Variants in SEM1 observed in about 807,000 individuals in gnomAD.
SEM1 encodes SEM1 26S proteasome subunit, also known as 26S proteasome complex subunit SEM1.
Under a neutral mutation model 12.7 loss-of-function variants are expected in SEM1, and 3 were observed. That is an observed-to-expected ratio of 0.24 (90% confidence interval 0.11 to 0.61). The LOEUF is 0.61. SEM1 is among the 20% of genes least tolerant of loss of function. The pLI is 0.88. For synonymous variants in SEM1, 30 were observed against 27.8 expected (o/e 1.08, Z -0.25); for missense variants, 59 against 81.3 (o/e 0.73, Z 1.06).
intron 1 of SEM1, among the ~76,000 whole-genome samples, chr7:96,700,502 T>C (rs1790237028): frequency 6.6e-6 from 1 of 152,200 alleles, no homozygotes; most frequent in Non-Finnish European, 1.5e-5. Context: ...GTGGGTTCCA[T>C]ATCCTGTGAA....
chr7:96,693,539 A>G (rs1789991270), intron 2 of SEM1, among the ~76,000 whole-genome samples: 2 of 152,042 alleles, frequency 1.3e-5, no homozygotes, highest in South Asian at 4.1e-4. Context: ...ATATGACACC[A>G]AAAGCACAAA....
rs10215114 is a variant in SEM1, at chr7:96,646,667, C to T, written c.171-24024G>A. The stretch of plus-strand genomic sequence containing the variant: ...CCACTCCCACTCCCACTCCCACCTC[C>T]GACTGCCATCCTCTCCCCAGGTGAT... On this transcript the variant is annotated intron_variant, in intron 2 of 2. Coordinates refer to the SEM1 transcript ENST00000417009. 6.9e-3 allele frequency among the ~76,000 whole-genome samples: 1,052 copies of T among 152,270 alleles called. 11 individuals carry two copies. The highest frequency in any genetic ancestry group is 0.024 in the African/African-American group (1,015 of 41,558).
intron 3 of SEM1, among the ~76,000 whole-genome samples, chr7:96,502,051 C>G (rs1364073375): frequency 6.6e-6 from 1 of 152,108 alleles, no homozygotes; most frequent in East Asian, 1.9e-4. Flanking sequence ...CTGCAAAGGA[C>G]AAAATTTCAT....
rs140694310 is a variant in SEM1, at chr7:96,561,782, G to A, written c.171-55084C>T. ...TAGATGGAGAGGTGACAAATATGTG[G>A]AGACTTACTTTCCCTGGGTAAAAGG... On this transcript the variant is annotated intron_variant and NMD_transcript_variant, in intron 2 of 3. Transcript: ENST00000466986. 5.3e-5 allele frequency among the ~76,000 whole-genome samples: 8 copies of A among 152,352 alleles called. No individual in the cohort carries two copies. In the East Asian group the frequency reaches 1.5e-3, roughly 29 times the overall value.
intron 2 of SEM1, among the ~76,000 whole-genome samples, chr7:96,485,536 CTTTTTTTTT>C (rs61088450): frequency 0.02 from 1,531 of 76,760 alleles, 30 homozygotes; most frequent in African/African-American, 0.076. Flanking sequence ...TCTCTACATT[CTTTTTTTTT>C]TTTTTTTTTT....
chr7:96,534,288 T>TG (rs921065031), intron 2 of SEM1, among the ~76,000 whole-genome samples: 24 of 152,228 alleles, frequency 1.6e-4, no homozygotes, highest in African/African-American at 5.8e-4. Flanking sequence ...TAACTGCCAC[T>TG]GTGAGCTTGA....
intron 2 of SEM1, among the ~76,000 whole-genome samples, chr7:96,584,629 T>A (rs1806544742): frequency 6.7e-6 from 1 of 150,266 alleles, no homozygotes; most frequent in South Asian, 2.1e-4. Context: ...TTTGGTCTTT[T>A]CACATAGTCC....
At chr7:96,692,477 C>G (rs376639882) in intron 2 of SEM1, among the ~76,000 whole-genome samples, 18 of 152,026 alleles carry the variant, frequency 1.2e-4, no homozygotes, top group African/African-American at 4.3e-4. Context: ...CATAATGATG[C>G]CAAGGCGGAA....
exon 4 of SEM1, chr7:96,482,235 G>A (rs1450142569): frequency 6.6e-6 from 1 of 152,154 alleles, no homozygotes; most frequent in African/African-American, 2.4e-5. Flanking sequence ...TAGGACCTGA[G>A]CAGTGTGGTC....
At chr7:96,651,569 T>TTTTG (rs1019298660) in intron 2 of SEM1, among the ~76,000 whole-genome samples, 1 of 151,832 alleles carries the variant, frequency 6.6e-6, no homozygotes, top group Non-Finnish European at 1.5e-5. Context: ...GGCAAAAGGA[T>TTTTG]TTTGTTTGTT....
chr7:96,584,938 T>C (rs1179959173), intron 2 of SEM1, among the ~76,000 whole-genome samples: 1 of 150,892 alleles, frequency 6.6e-6, no homozygotes, highest in South Asian at 2.1e-4. Flanking sequence ...TCGGAGTAAT[T>C]TGATCGTCTG....
At chr7:96,662,142 T>TG (rs1409388681) in intron 2 of SEM1, among the ~76,000 whole-genome samples, 1 of 152,008 alleles carries the variant, frequency 6.6e-6, no homozygotes, top group Non-Finnish European at 1.5e-5. Context: ...GAACCAGAAA[T>TG]GCCATTTGAC....
chr7:96,547,419 T>C (rs11972202), intron 2 of SEM1, among the ~76,000 whole-genome samples: 93,267 of 152,008 alleles, frequency 0.61, 29,376 homozygotes, highest in Non-Finnish European at 0.69. Context: ...ATGCCATTCA[T>C]GGTCCAAAGG....
intron 1 of SEM1, chr7:96,496,275 A>G: frequency 6.7e-7 from 1 of 1,502,350 alleles, no homozygotes. Context: ...AATCCATATC[A>G]GTTCCTACCT....
intron 2 of SEM1, among the ~76,000 whole-genome samples, chr7:96,612,374 T>A (rs1352327839): frequency 6.6e-6 from 1 of 152,170 alleles, no homozygotes; most frequent in Non-Finnish European, 1.5e-5. Flanking sequence ...CCTCTAGCCT[T>A]TCATTAGCCA....
chr7:96,574,839 G>T (rs1261586438), intron 2 of SEM1, among the ~76,000 whole-genome samples: 2 of 152,138 alleles, frequency 1.3e-5, no homozygotes, highest in African/African-American at 4.8e-5. Flanking sequence ...TCTCTAAACT[G>T]GTTATTCTAG....
chr7:96,532,336 C>A (rs1312317505), intron 2 of SEM1, among the ~76,000 whole-genome samples: 1 of 152,046 alleles, frequency 6.6e-6, no homozygotes, highest in East Asian at 1.9e-4. Context: ...TCTGATTCCA[C>A]CTCACAGTCA....
At chr7:96,529,618 A>G (rs1312077552) in intron 2 of SEM1, among the ~76,000 whole-genome samples, 1 of 74,488 alleles carries the variant, frequency 1.3e-5, no homozygotes. Context: ...AGCTCTTGAT[A>G]AAAAAAAAAT....
intron 2 of SEM1, among the ~76,000 whole-genome samples, chr7:96,556,089 C>T (rs1805487320): frequency 6.6e-6 from 1 of 152,042 alleles, no homozygotes; most frequent in African/African-American, 2.4e-5. Context: ...GGTGTCGCTG[C>T]ACGTGAGATG....
Sources: gnomAD v4.1 joint callset for allele counts (sites outside exome capture counted in the v4.1 genomes callset) on GRCh38, gnomAD v4.1.1 for gene constraint, MANE v1.5 for transcripts, NCBI Gene and HGNC (gene_info 2026-07-23, HGNC 2026-07-21) for gene names.